The following SDK2 variants were observed in gnomAD, a reference collection of about 807,000 sequenced individuals.
The protein encoded by SDK2 is protein sidekick-2.
SDK2 carries 105 observed loss-of-function variants against 253.9 expected under a neutral mutation model. The ratio of observed to expected loss-of-function variants is 0.41; its 90% CI spans 0.35 to 0.49. The LOEUF (loss-of-function observed/expected upper bound fraction) is 0.49, where lower values mean the gene tolerates loss of function less well. SDK2 is among the 20% of genes least tolerant of loss of function. The pLI is 0.06. For missense variants in SDK2, 2,608 were observed against 3,003.0 expected, an observed-to-expected ratio of 0.87 and a Z score of 3.07; for synonymous variants, 1,249 against 1,234.9, an observed-to-expected ratio of 1.01 and a Z score of -0.24.
At chr17:73,400,660 AT>A (rs548822077) in intron 21 of SDK2, among the ~76,000 whole-genome samples, 45 of 143,730 alleles carry the variant, frequency 3.1e-4, no homozygotes, top group African/African-American at 3.8e-4. Flanking sequence ...GCCTCTTTTT[AT>A]TTTTTTTTTT....
chr17:73,592,027 G>C (rs532997903), intron 1 of SDK2, among the ~76,000 whole-genome samples: 217 of 152,350 alleles, frequency 1.4e-3, no homozygotes, highest in Middle Eastern at 3.4e-3. Context: ...CCCACATGAG[G>C]GGGGAGTTGA....
At position 73,358,185 on chromosome 17, in the gene SDK2, G is replaced by T; in HGVS notation, c.5487C>A (p.Gly1829=). 6.2e-7 allele frequency: 1 copy of T among 1,606,850 alleles called. No homozygotes were observed. Among genetic ancestry groups the T allele is most frequent in the South Asian group, 1.1e-5 (1 of 89,920 alleles). ...AGCTGTACCGCACGATGATGGGCACGCCAGGCGGTCCTGGGGCACCTGCAG... is the reference window on the plus strand; with the variant it reads ...AGCTGTACCGCACGATGATGGGCACTCCAGGCGGTCCTGGGGCACCTGCAG... The part of the protein sequence containing the change: ...GPGEGAPGPP[G]VPIIVRYSSA... Residue 1829 remains glycine, a synonymous_variant, in exon 40 of 45, where the codon GGC becomes GGA. Coordinates refer to ENST00000392650, the MANE Select transcript of SDK2 (RefSeq NM_001144952.2).
In SDK2 at chr17:73,391,470, G is replaced by T; in HGVS notation, c.3967C>A (p.Pro1323Thr). ...RTTSVRLIWQPPAAPNGIILA... is the reference protein window; with the variant it reads ...RTTSVRLIWQTPAAPNGIILA... ...ATGATGCCATTGGGGGCGGCAGGGG[G>T]CTGCCAGATCAGCCGCACAGACGTG... Residue 1323 changes from proline to threonine, a missense_variant, in exon 28 of 45, where the codon CCC becomes ACC. Pro to Thr is a conservative substitution (Grantham distance 38, BLOSUM62 -1). Coordinates refer to ENST00000392650, the MANE Select transcript of SDK2 (RefSeq NM_001144952.2). The T allele has an allele frequency of 7.6e-7, 1 of 1,310,358 alleles. No individual in the cohort carries two copies. Among genetic ancestry groups the T allele is most frequent in the Non-Finnish European group, 9.8e-7 (1 of 1,020,904 alleles). 81.2% of individuals were successfully genotyped at this position (1,310,358 alleles called of 1,614,324 possible). A position where few individuals can be genotyped will look rare whatever the true frequency, so the allele number is the denominator to read the frequency against.
chr17:73,509,290 C>G (rs892572727), intron 1 of SDK2, among the ~76,000 whole-genome samples: 11 of 152,160 alleles, frequency 7.2e-5, no homozygotes, highest in African/African-American at 2.7e-4. Context: ...GGTGAAAATG[C>G]TGGCTCTGTG....
rs142174864 is a variant in SDK2, at chr17:73,359,193, T to C, written c.5468-989A>G. Among the ~76,000 whole-genome samples the C allele has an allele frequency of 2.1e-3, 321 of 151,838 alleles. 2 individuals are homozygous for C. The highest frequency in any genetic ancestry group is 7.4e-3 in the African/African-American group (308 of 41,392). On this transcript the variant is annotated intron_variant, in intron 39 of 44. Coordinates refer to ENST00000392650, the MANE Select transcript of SDK2 (RefSeq NM_001144952.2). ...AGTGGGTGGCCACCTGGTTTGTTGG[T>C]GGGGGGTCTCTGTGGAGCAGAGTCT...
chr17:73,338,403 C>T lies in SDK2; in HGVS notation c.*184G>A, dbSNP rs1363163134. Reference sequence around the variant, plus strand: ...AAGAGCTGCTGGCCACACACATCCTCTCACGGTTTTCTCCCTCCTTCTGAA... The same window carrying T: ...AAGAGCTGCTGGCCACACACATCCTTTCACGGTTTTCTCCCTCCTTCTGAA... On this transcript the variant is annotated 3_prime_UTR_variant, in exon 45 of 45. Coordinates refer to ENST00000392650, the MANE Select transcript of SDK2 (RefSeq NM_001144952.2). The surrounding 1 kb of genome is among the most constrained non-coding windows in gnomAD (Gnocchi z 5.0). The T allele has an allele frequency of 5.7e-6, 4 of 698,388 alleles. No homozygotes were observed. Among genetic ancestry groups the T allele is most frequent in the Admixed American group, 2.0e-5 (1 of 49,492 alleles). The allele number at this position is 698,388 out of a possible 1,614,324, so 43.3% of individuals were successfully genotyped here.
intron 1 of SDK2, among the ~76,000 whole-genome samples, chr17:73,573,977 C>G (rs2045422792): frequency 6.6e-6 from 1 of 152,322 alleles, no homozygotes; most frequent in East Asian, 1.9e-4. Flanking sequence ...CCATGAGGAC[C>G]ACTCCAGTGC....
rs61752521 is a variant in SDK2 at position 73,390,438 on chromosome 17, G to A, written c.4041C>T (p.Thr1347=). 3 of 1,612,092 alleles carry A rather than the reference G, an allele frequency of 1.9e-6. No individual in the cohort carries two copies. The highest frequency in any genetic ancestry group is 1.7e-6 in the Non-Finnish European group (2 of 1,179,112). Residue 1347 remains threonine, a synonymous_variant, in exon 29 of 45, where the codon ACC becomes ACT. Transcript: ENST00000392650. ...TGGGTGCCAGCACCTCCACAGTGGC[G>A]GTGTTGGCCGTGGTGGTGTTGAGCC... ...THRLNTTTAN[T]ATVEVLAPSA... is the part of the protein sequence containing the mutation.
At chr17:73,595,170 G>C (rs1481323002) in intron 1 of SDK2, among the ~76,000 whole-genome samples, 1 of 152,120 alleles carries the variant, frequency 6.6e-6, no homozygotes, top group Admixed American at 6.5e-5. Context: ...CACAGAAGGG[G>C]TGTCAGTGAG....
intron 12 of SDK2, among the ~76,000 whole-genome samples, 171 bp from the exon 13 acceptor site, chr17:73,424,263 A>G (rs6501637): frequency 0.74 from 112,726 of 152,028 alleles, 42,643 homozygotes; most frequent in Admixed American, 0.81. Context: ...TGAAGGCCAA[A>G]CAGTCTGGAA....
Position 73,395,055 on chromosome 17 carries a change from G to C in SDK2, c.3592+100C>G. 1 of 905,272 alleles carries C rather than the reference G, an allele frequency of 1.1e-6. No homozygotes were observed. Among genetic ancestry groups the C allele is most frequent in the Non-Finnish European group, 1.7e-6 (1 of 598,790 alleles). The allele number at this position is 905,272 out of a possible 1,614,324, so 56.1% of individuals were successfully genotyped here. On this transcript the variant is annotated intron_variant, in intron 25 of 44. Transcript: ENST00000392650. This position sits in a 1 kb window ranked among gnomAD's most constrained non-coding sequence, Gnocchi z 4.3. ...GAGGAAATGAGCTCAGGCTGTTTTTGAACAACACCTTCAGCCTGGCACGCG... is the reference window on the plus strand; with the variant it reads ...GAGGAAATGAGCTCAGGCTGTTTTTCAACAACACCTTCAGCCTGGCACGCG...
intron 18 of SDK2, 30 bp from the exon 19 acceptor site, chr17:73,402,171 C>A: frequency 6.2e-7 from 1 of 1,601,890 alleles, no homozygotes; most frequent in Non-Finnish European, 8.5e-7. Flanking sequence ...TCACACAGGG[C>A]AGCAGGAAGG....
chr17:73,438,877 G>C (rs944506941), intron 6 of SDK2, among the ~76,000 whole-genome samples: 3 of 152,296 alleles, frequency 2.0e-5, no homozygotes, highest in South Asian at 4.2e-4. Context: ...GAGTTCTGTG[G>C]CCGCATACGT....
At chr17:73,449,437 C>CA (rs2063475900) in intron 4 of SDK2, among the ~76,000 whole-genome samples, 3 of 152,030 alleles carry the variant, frequency 2.0e-5, no homozygotes, top group Admixed American at 2.0e-4. Context: ...AATGCTTCTC[C>CA]AGCCCAGCAC....
rs550651228 is a variant in SDK2 at position 73,443,345 on chromosome 17, G to A, written c.614-2422C>T. Among the ~76,000 whole-genome samples the A allele has an allele frequency of 6.6e-6, 1 of 152,378 alleles. No homozygotes were observed. Among genetic ancestry groups the A allele is most frequent in the South Asian group, 2.1e-4 (1 of 4,822 alleles). ...GCAACAATATAAAAGCCTCATGTAG[G>A]TGCCATAACGAGCGATCGGATTGAA... On this transcript the variant is annotated intron_variant, in intron 5 of 44. Coordinates refer to ENST00000392650, the MANE Select transcript of SDK2 (RefSeq NM_001144952.2). This position sits in a 1 kb window ranked among gnomAD's most constrained non-coding sequence, Gnocchi z 4.6.
intron 31 of SDK2, 40 bp downstream of exon 31, chr17:73,386,405 A>T (rs1261150101): frequency 7.3e-7 from 1 of 1,363,734 alleles, no homozygotes; most frequent in Non-Finnish European, 1.0e-6. Context: ...GGAAGCAGCC[A>T]GTGGGCTGAG....
intron 2 of SDK2, among the ~76,000 whole-genome samples, chr17:73,483,036 G>A (rs1054817556): frequency 6.6e-6 from 1 of 152,148 alleles, no homozygotes; most frequent in Non-Finnish European, 1.5e-5. Context: ...AGGCAGCAAA[G>A]TGATTCCCTT....
At chr17:73,357,129 T>C (rs2062598544) in intron 40 of SDK2, among the ~76,000 whole-genome samples, 1 of 152,208 alleles carries the variant, frequency 6.6e-6, no homozygotes, top group South Asian at 2.1e-4. Context: ...ATGTATTCGC[T>C]ATATGCAACT....
At chr17:73,490,148 T>C (rs1440886403) in intron 2 of SDK2, among the ~76,000 whole-genome samples, 1 of 152,156 alleles carries the variant, frequency 6.6e-6, no homozygotes, top group African/African-American at 2.4e-5. Context: ...GCGTTCTGAC[T>C]TTTTTGGCGG....
Sources: allele counts gnomAD v4.1 joint callset (sites outside exome capture counted in the v4.1 genomes callset), GRCh38; gene constraint gnomAD v4.1.1; non-coding constraint Gnocchi (gnomAD v3.1); transcripts MANE v1.5; gene names NCBI Gene and HGNC (gene_info 2026-07-23, HGNC 2026-07-21).